Variants in PLCB1 observed in about 807,000 individuals in gnomAD.
PLCB1 encodes 1-phosphatidylinositol 4,5-bisphosphate phosphodiesterase beta-1.
A neutral mutation model predicts 161.8 loss-of-function variants in PLCB1; 46 were observed. The ratio of observed to expected loss-of-function variants is 0.28; its 90% CI spans 0.22 to 0.36. The LOEUF is 0.36. Ranked by LOEUF, PLCB1 falls within the 10% of genes least tolerant of loss-of-function variation. The pLI is 1.00. For synonymous variants in PLCB1, 517 were observed against 503.7 expected (o/e 1.03, Z -0.35); for missense variants, 1,016 against 1,472.5 (o/e 0.69, Z 5.07).
At chr20:8,812,231 G>C (rs1984859677) in intron 31 of PLCB1, among the ~76,000 whole-genome samples, 1 of 152,130 alleles carries the variant, frequency 6.6e-6, no homozygotes, top group Admixed American at 6.5e-5. Flanking sequence ...GAAGAAGAAG[G>C]GGAGAGAGAG....
At position 8,204,764 on chromosome 20, in the gene PLCB1, A is replaced by G. The variant is rs986790993; in HGVS notation, c.177+54393A>G. 2.0e-4 allele frequency among the ~76,000 whole-genome samples: 30 copies of G among 152,134 alleles called. 1 individual carries two copies. The highest frequency in any genetic ancestry group is 4.4e-5 in the Non-Finnish European group (3 of 67,998). On this transcript the variant is annotated intron_variant, in intron 2 of 31. Transcript: ENST00000338037. ...CCAGTCTCAGGTATTTCTTTATAGC[A>G]ATGCAAGAACAGCCTAATACACTGG...
chr20:8,851,714 T>G (rs1444469223), intron 31 of PLCB1, among the ~76,000 whole-genome samples: 3 of 7,630 alleles, frequency 3.9e-4, no homozygotes, highest in Non-Finnish European at 1.4e-3. Flanking sequence ...TTTTTTTGGT[T>G]TTTTTTTTTT....
intron 11 of PLCB1, among the ~76,000 whole-genome samples, chr20:8,705,166 GAC>G (rs1978601005): frequency 6.6e-6 from 1 of 151,884 alleles, no homozygotes; most frequent in Non-Finnish European, 1.5e-5. Flanking sequence ...CAGTCAAGTT[GAC>G]ACATAAAATT....
At chr20:8,358,649 G>C (rs1005647837) in intron 2 of PLCB1, among the ~76,000 whole-genome samples, 1 of 152,044 alleles carries the variant, frequency 6.6e-6, no homozygotes, top group Non-Finnish European at 1.5e-5. Context: ...GAAAAATATA[G>C]AACATAATAG....
chr20:8,881,571 G>A (rs375121375), intron 31 of PLCB1, 51 bp from the exon 32 acceptor site: 316 of 1,321,100 alleles, frequency 2.4e-4, no homozygotes, highest in Non-Finnish European at 3.3e-4. Flanking sequence ...ATGGGAGTGG[G>A]TATAGAAACA....
chr20:8,145,953 T>G (rs2051448663), intron 1 of PLCB1, among the ~76,000 whole-genome samples: 1 of 152,212 alleles, frequency 6.6e-6, no homozygotes, highest in South Asian at 2.1e-4. Flanking sequence ...GCATTTCAAG[T>G]GCTCAGTAGT....
At chr20:8,339,626 G>A (rs2122218465) in intron 2 of PLCB1, among the ~76,000 whole-genome samples, 1 of 152,282 alleles carries the variant, frequency 6.6e-6, no homozygotes, top group African/African-American at 2.4e-5. Context: ...CCCAGTTCAT[G>A]TGTATTCATA....
At chr20:8,379,799 A>ATTTGT (rs1280631177) in intron 3 of PLCB1, among the ~76,000 whole-genome samples, 3 of 151,154 alleles carry the variant, frequency 2.0e-5, no homozygotes, top group East Asian at 3.9e-4. Flanking sequence ...TGATGGTGGT[A>ATTTGT]TTTGTTTTGT....
intron 2 of PLCB1, among the ~76,000 whole-genome samples, chr20:8,284,042 A>G (rs1982999839): frequency 6.6e-6 from 1 of 151,916 alleles, no homozygotes; most frequent in African/African-American, 2.4e-5. Flanking sequence ...TTCTGTTACA[A>G]TATTTAGAAT....
At chr20:8,312,693 G>A (rs140582883) in intron 2 of PLCB1, among the ~76,000 whole-genome samples, 2,054 of 152,216 alleles carry the variant, frequency 0.013, 19 homozygotes, top group Non-Finnish European at 0.021. Context: ...TCTTAAAAGG[G>A]CATCGTTTAC....
chr20:8,380,503 T>C (rs1012811419), intron 3 of PLCB1, among the ~76,000 whole-genome samples: 7 of 152,224 alleles, frequency 4.6e-5, no homozygotes, highest in African/African-American at 7.2e-5. Flanking sequence ...GGTAGTTTCA[T>C]GGGTATAGTA....
chr20:8,384,640 C>A (rs761154224), intron 3 of PLCB1, among the ~76,000 whole-genome samples: 105 of 152,120 alleles, frequency 6.9e-4, no homozygotes, highest in Non-Finnish European at 8.1e-4. Flanking sequence ...TTTGTTGATT[C>A]TTTCTCGTCT....
At chr20:8,338,872 G>A (rs946912875) in intron 2 of PLCB1, among the ~76,000 whole-genome samples, 1 of 152,138 alleles carries the variant, frequency 6.6e-6, no homozygotes, top group African/African-American at 2.4e-5. Context: ...TTAGTTTACT[G>A]ATAATTACCT....
chr20:8,396,518 C>G (rs1987772090), intron 3 of PLCB1, among the ~76,000 whole-genome samples: 2 of 151,938 alleles, frequency 1.3e-5, no homozygotes, highest in South Asian at 4.1e-4. Flanking sequence ...GAGGCCAGTC[C>G]TGAATTATTG....
At chr20:8,221,717 T>G (rs1568595555) in intron 2 of PLCB1, among the ~76,000 whole-genome samples, 1 of 152,142 alleles carries the variant, frequency 6.6e-6, no homozygotes, top group Non-Finnish European at 1.5e-5. Context: ...CCTAAGTGCA[T>G]TAACAAAATA....
At chr20:8,502,823 A>T (rs1198726493) in intron 3 of PLCB1, among the ~76,000 whole-genome samples, 1 of 152,150 alleles carries the variant, frequency 6.6e-6, no homozygotes, top group Non-Finnish European at 1.5e-5. Context: ...CTAGAGAGGA[A>T]TAAATTTGCA....
Position 8,505,062 on chromosome 20 carries a change from A to T in PLCB1, c.247-123232A>T, listed in dbSNP as rs190047423. ...GTTTTGGTAGAGATGGGCTCTTGCT[A>T]TGTTGTCCAGGATGGTCTCAAACTC... is the stretch of plus-strand genomic sequence containing the variant. On this transcript the variant is annotated intron_variant, in intron 3 of 31. Coordinates refer to ENST00000338037, the MANE Select transcript of PLCB1 (RefSeq NM_015192.4). Among the ~76,000 whole-genome samples the T allele has an allele frequency of 3.6e-4, 55 of 152,200 alleles. No individual in the cohort carries two copies. In the East Asian group the frequency reaches 0.01, roughly 28 times the overall value.
chr20:8,465,740 C>A (rs1981790734), intron 3 of PLCB1, among the ~76,000 whole-genome samples: 1 of 151,734 alleles, frequency 6.6e-6, no homozygotes, highest in Non-Finnish European at 1.5e-5. Flanking sequence ...CCATCACTGG[C>A]CATCAGAGAA....
chr20:8,400,514 G>A, intron 3 of PLCB1, among the ~76,000 whole-genome samples: 1 of 152,110 alleles, frequency 6.6e-6, no homozygotes, highest in East Asian at 1.9e-4. Context: ...AACTATTAAA[G>A]GTTATCTTAT....
Sources: gnomAD v4.1 joint callset for allele counts (sites outside exome capture counted in the v4.1 genomes callset) on GRCh38, gnomAD v4.1.1 for gene constraint, MANE v1.5 for transcripts, NCBI Gene and HGNC (gene_info 2026-07-23, HGNC 2026-07-21) for gene names.